TASP1: variants seen among roughly 807,000 people sequenced by gnomAD.
TASP1 encodes the protein taspase 1.
TASP1 carries 16 observed loss-of-function variants against 56.6 expected under a neutral mutation model. That is an observed-to-expected ratio of 0.28 (90% CI 0.19 to 0.43). TASP1 has a LOEUF of 0.43. TASP1 is among the 20% of genes least tolerant of loss of function. The pLI is 1.00. For missense variants in TASP1, 393 were observed against 511.6 expected (o/e 0.77, Z 2.24); for synonymous variants, 179 against 184.2 (o/e 0.97, Z 0.23).
chr20:13,444,498 C>T (rs999840851), intron 11 of TASP1, among the ~76,000 whole-genome samples: 3 of 151,940 alleles, frequency 2.0e-5, no homozygotes, highest in Non-Finnish European at 2.9e-5. Context: ...ACTGGGGAAA[C>T]GATGAATATT....
chr20:13,592,314 T>C (rs1475714041), intron 4 of TASP1, among the ~76,000 whole-genome samples: 6 of 151,634 alleles, frequency 4.0e-5, no homozygotes, highest in Admixed American at 2.0e-4. Context: ...GGAGAATCAC[T>C]TGAAACCAGA....
the TASP1 span, among the ~76,000 whole-genome samples, chr20:13,339,155 T>G: frequency 6.6e-6 from 1 of 152,118 alleles, no homozygotes; most frequent in Non-Finnish European, 1.5e-5. Flanking sequence ...CACAAATACA[T>G]CCTGGAGCAT....
At chr20:13,289,196 G>A in the TASP1 span, among the ~76,000 whole-genome samples, 3 of 152,110 alleles carry the variant, frequency 2.0e-5, no homozygotes, top group Non-Finnish European at 4.4e-5. Flanking sequence ...AGACAATGTC[G>A]CATTGTACTT....
chr20:13,504,113 A>G (rs1308259808), intron 10 of TASP1, among the ~76,000 whole-genome samples: 1 of 152,150 alleles, frequency 6.6e-6, no homozygotes, highest in Non-Finnish European at 1.5e-5. Context: ...AAATGTCTCT[A>G]AACAGCTTCC....
chr20:13,593,517 T>C (rs952586066), intron 4 of TASP1, among the ~76,000 whole-genome samples: 14 of 152,182 alleles, frequency 9.2e-5, no homozygotes, highest in Admixed American at 7.2e-4. Context: ...GCTTTTCCCA[T>C]GGTCTTAGCA....
the TASP1 span, among the ~76,000 whole-genome samples, chr20:13,254,285 T>C: frequency 6.6e-6 from 1 of 151,738 alleles, no homozygotes; most frequent in Non-Finnish European, 1.5e-5. Flanking sequence ...TCTGCAAATA[T>C]ATATTTATAT....
intron 11 of TASP1, among the ~76,000 whole-genome samples, chr20:13,445,303 C>T (rs1195072485): frequency 6.6e-6 from 1 of 152,112 alleles, no homozygotes; most frequent in Non-Finnish European, 1.5e-5. Flanking sequence ...AGAAATGAGA[C>T]AAGAGATTTC....
chr20:13,419,044 T>C (rs1293239580), intron 12 of TASP1, among the ~76,000 whole-genome samples: 2 of 152,176 alleles, frequency 1.3e-5, no homozygotes, highest in Non-Finnish European at 2.9e-5. Context: ...ATAAAGGACA[T>C]TATGGAAACA....
intron 4 of TASP1, among the ~76,000 whole-genome samples, chr20:13,599,328 C>T (rs1601397184): frequency 6.6e-6 from 1 of 152,140 alleles, no homozygotes; most frequent in East Asian, 1.9e-4. Flanking sequence ...ACATATACAC[C>T]ATGGAATTCT....
the TASP1 span, among the ~76,000 whole-genome samples, chr20:13,150,019 C>T: frequency 1.3e-4 from 20 of 152,124 alleles, no homozygotes; most frequent in Non-Finnish European, 2.2e-4. Context: ...GCTAATGATC[C>T]GCAAAAGTGC....
At chr20:13,503,973 A>G (rs1213933749) in intron 10 of TASP1, among the ~76,000 whole-genome samples, 1 of 150,642 alleles carries the variant, frequency 6.6e-6, no homozygotes, top group African/African-American at 2.5e-5. Context: ...GGATTTATGG[A>G]GTACCATCTA....
chr20:13,479,545 C>T (rs1294992826), intron 11 of TASP1, among the ~76,000 whole-genome samples: 1 of 151,188 alleles, frequency 6.6e-6, no homozygotes, highest in East Asian at 2.0e-4. Context: ...TCACTGCAAT[C>T]TCTGCCTCCC....
the TASP1 span, among the ~76,000 whole-genome samples, chr20:13,335,478 A>G: frequency 1.3e-5 from 2 of 152,128 alleles, no homozygotes; most frequent in Non-Finnish European, 2.9e-5. Context: ...GAAAAGCCCC[A>G]TCCGTGATTT....
the TASP1 span, among the ~76,000 whole-genome samples, chr20:13,304,452 T>A: frequency 6.6e-6 from 1 of 152,190 alleles, no homozygotes; most frequent in Admixed American, 6.5e-5. Context: ...TTGGGGTAAG[T>A]CCACCTGTCC....
chr20:13,259,046 G>A, the TASP1 span, among the ~76,000 whole-genome samples: 1 of 152,178 alleles, frequency 6.6e-6, no homozygotes, highest in Non-Finnish European at 1.5e-5. Context: ...ACTTTGGGAG[G>A]CCGAGGCGGG....
chr20:13,291,800 G>A, the TASP1 span, among the ~76,000 whole-genome samples: 1 of 152,166 alleles, frequency 6.6e-6, no homozygotes, highest in African/African-American at 2.4e-5. Context: ...GAATGAGCTA[G>A]ACAAATATTC....
chr20:13,625,013 G>A (rs1412463801), intron 3 of TASP1, among the ~76,000 whole-genome samples, 172 bp downstream of exon 3: 3 of 151,914 alleles, frequency 2.0e-5, no homozygotes, highest in Non-Finnish European at 4.4e-5. Flanking sequence ...GCAACATGTG[G>A]AGAAAAACAC....
chr20:13,354,660 G>T, the TASP1 span, among the ~76,000 whole-genome samples: 1 of 152,098 alleles, frequency 6.6e-6, no homozygotes, highest in South Asian at 2.1e-4. Flanking sequence ...GAAAAAGTGC[G>T]CCAAGAAAAG....
chr20:13,121,037 T>G, the TASP1 span, among the ~76,000 whole-genome samples: 1 of 152,234 alleles, frequency 6.6e-6, no homozygotes, highest in Non-Finnish European at 1.5e-5. Context: ...AAGCCTAAGC[T>G]GATGGGACTA....
Sources: allele counts gnomAD v4.1 joint callset (sites outside exome capture counted in the v4.1 genomes callset), GRCh38; gene constraint gnomAD v4.1.1; transcripts MANE v1.5; gene names NCBI Gene and HGNC (gene_info 2026-07-23, HGNC 2026-07-21).